DNAAF4: variants seen among roughly 807,000 people sequenced by gnomAD.
DNAAF4 encodes the protein dynein assembly factor 4, axonemal.
A neutral mutation model predicts 51.8 loss-of-function variants in DNAAF4; 43 were observed. That is an observed-to-expected ratio of 0.83 (90% confidence interval 0.65 to 1.07). The LOEUF is 1.07. Ranked by LOEUF, DNAAF4 falls within the 50% of genes least tolerant of loss-of-function variation. The pLI is 0.00. For missense variants in DNAAF4, 581 were observed against 493.0 expected, an observed-to-expected ratio of 1.18 and a Z score of -1.69; for synonymous variants, 194 against 165.6, an observed-to-expected ratio of 1.17 and a Z score of -1.32.
chr15:55,429,586 G>C (rs1219736852), downstream of DNAAF4, among the ~76,000 whole-genome samples: 1 of 151,104 alleles, frequency 6.6e-6, no homozygotes, highest in Non-Finnish European at 1.5e-5. Flanking sequence ...GGGAGGCCAA[G>C]GTGGGTGGAT....
intron 3 of DNAAF4, among the ~76,000 whole-genome samples, chr15:55,492,314 T>C (rs1245993480): frequency 6.7e-6 from 1 of 148,584 alleles, no homozygotes; most frequent in Non-Finnish European, 1.5e-5. Context: ...GGAGAAAACT[T>C]GAGGGGAAGA....
chr15:55,450,093 T>C (rs2057910375), intron 6 of DNAAF4, 129 bp downstream of exon 6: 2 of 1,094,086 alleles, frequency 1.8e-6, no homozygotes, highest in African/African-American at 1.6e-5. Flanking sequence ...TTCTAAAACA[T>C]ATTCATGACG....
chr15:55,437,582 C>T (rs1051613390), intron 7 of DNAAF4, among the ~76,000 whole-genome samples: 2 of 151,946 alleles, frequency 1.3e-5, no homozygotes, highest in South Asian at 4.2e-4. Flanking sequence ...AAGGACTTTG[C>T]ACATGTGAAT....
At chr15:55,454,374 GTTTGTT>G (rs1008726830) in intron 5 of DNAAF4, among the ~76,000 whole-genome samples, 28 of 151,778 alleles carry the variant, frequency 1.8e-4, no homozygotes, top group African/African-American at 6.8e-4. Flanking sequence ...TGTAATATTT[GTTTGTT>G]TTTGTTTTTG....
intron 7 of DNAAF4, among the ~76,000 whole-genome samples, chr15:55,422,343 T>G (rs769747428): frequency 6.6e-6 from 1 of 152,164 alleles, no homozygotes; most frequent in Non-Finnish European, 1.5e-5. Flanking sequence ...CAACTGAATA[T>G]ACAACTTGAA....
At chr15:55,495,096 T>C (rs1195789466) in intron 3 of DNAAF4, 10 of 151,186 alleles carry the variant, frequency 6.6e-5, no homozygotes, top group African/African-American at 1.5e-4. Flanking sequence ...CTGGGTGTGT[T>C]ATGACATCCT....
intron 4 of DNAAF4, among the ~76,000 whole-genome samples, chr15:55,488,860 G>A (rs372570061): frequency 6.6e-6 from 1 of 152,250 alleles, no homozygotes; most frequent in Non-Finnish European, 1.5e-5. Flanking sequence ...AAGCCAAGAC[G>A]GGCAGATCAC....
In DNAAF4 at chr15:55,434,898, T is replaced by G. The variant is rs757319155; in HGVS notation, c.1047+7A>C. 18 of 1,600,256 alleles carry G rather than the reference T, an allele frequency of 1.1e-5. No individual in the cohort carries two copies. Among genetic ancestry groups the G allele is most frequent in the Non-Finnish European group, 1.5e-5 (18 of 1,176,068 alleles). On this transcript the variant is annotated splice_region_variant and intron_variant, in intron 8 of 9. Coordinates refer to ENST00000321149, the MANE Select transcript of DNAAF4 (RefSeq NM_130810.4). ...AAGCACCATATATCATACATAGATA[T>G]CCATACCTTAGAAGAATCTTCAATA...
At chr15:55,422,387 T>C (rs912530807) in intron 7 of DNAAF4, among the ~76,000 whole-genome samples, 12 of 152,134 alleles carry the variant, frequency 7.9e-5, no homozygotes, top group African/African-American at 2.7e-4. Context: ...AGATTATCAC[T>C]TGGAACATGT....
chr15:55,418,524 A>C, intron 7 of DNAAF4: 2 of 1,521,270 alleles, frequency 1.3e-6, no homozygotes, highest in Non-Finnish European at 1.8e-6. Flanking sequence ...ACTGCACCTG[A>C]CAGAACCAGA....
chr15:55,489,671 T>C (rs1488731035), intron 4 of DNAAF4, among the ~76,000 whole-genome samples: 1 of 116,742 alleles, frequency 8.6e-6, no homozygotes, highest in African/African-American at 4.3e-5. Context: ...CCAGACACCA[T>C]TTCAAAAAAA....
Position 55,506,392 on chromosome 15 carries a change from G to C in DNAAF4, c.-256+1730C>G, listed in dbSNP as rs947167682. ...TTTGTGAACCACTGTCCTACAACAG[G>C]GTTTTTCAGCCTCCACACTATTAAC... On this transcript the variant is annotated intron_variant, in intron 1 of 9. Coordinates refer to ENST00000321149, the MANE Select transcript of DNAAF4 (RefSeq NM_130810.4). Among the ~76,000 whole-genome samples the C allele has an allele frequency of 9.9e-5, 15 of 152,166 alleles. 1 individual carries two copies. The highest frequency in any genetic ancestry group is 7.2e-4 in the Admixed American group (11 of 15,268).
chr15:55,503,302 A>C (rs1488867818), intron 1 of DNAAF4, among the ~76,000 whole-genome samples: 1 of 152,136 alleles, frequency 6.6e-6, no homozygotes, highest in African/African-American at 2.4e-5. Flanking sequence ...CAACCAAAAA[A>C]AGTCCAGGAC....
intron 4 of DNAAF4, among the ~76,000 whole-genome samples, chr15:55,469,471 A>C (rs1217760381): frequency 2.8e-5 from 2 of 70,426 alleles, no homozygotes; most frequent in African/African-American, 5.3e-5. Flanking sequence ...ATGCTTACCA[A>C]TTCTTTTTTT....
intron 6 of DNAAF4, among the ~76,000 whole-genome samples, chr15:55,440,316 G>T (rs992718199): frequency 6.6e-6 from 1 of 152,124 alleles, no homozygotes; most frequent in African/African-American, 2.4e-5. Context: ...ATCCCAAAGT[G>T]CTGGGATTAT....
chr15:55,418,350 C>T, intron 7 of DNAAF4: 1 of 1,539,914 alleles, frequency 6.5e-7, no homozygotes, highest in Non-Finnish European at 8.8e-7. Flanking sequence ...CAGACAGCCA[C>T]CTCACTATCA....
At chr15:55,437,943 TAATA>T (rs1196429214) in intron 7 of DNAAF4, among the ~76,000 whole-genome samples, 3 of 152,090 alleles carry the variant, frequency 2.0e-5, no homozygotes, top group African/African-American at 4.8e-5. Context: ...GTTATAGAAG[TAATA>T]AGTAATAGGA....
chr15:55,432,905 G>A (rs530133949), intron 8 of DNAAF4, among the ~76,000 whole-genome samples: 5 of 152,128 alleles, frequency 3.3e-5, no homozygotes, highest in Admixed American at 2.0e-4. Flanking sequence ...AGCCGAGATC[G>A]CGCCACTGAA....
chr15:55,440,178 G>A (rs139535394), intron 6 of DNAAF4, among the ~76,000 whole-genome samples: 3,811 of 148,260 alleles, frequency 0.026, 62 homozygotes, highest in Non-Finnish European at 0.036. Flanking sequence ...TCAGCCTCCC[G>A]AGTAGGTGGG....
Sources: allele counts gnomAD v4.1 joint callset (sites outside exome capture counted in the v4.1 genomes callset), GRCh38; gene constraint gnomAD v4.1.1; transcripts MANE v1.5; gene names NCBI Gene and HGNC (gene_info 2026-07-23, HGNC 2026-07-21).